MS4A15: variants seen among roughly 807,000 people sequenced by gnomAD.
MS4A15 encodes membrane-spanning 4-domains subfamily A member 15.
In MS4A15, 22 loss-of-function variants were observed where a neutral mutation model predicts 20.6. The ratio of observed to expected loss-of-function variants is 1.07; its 90% CI spans 0.76 to 1.52. MS4A15 has a LOEUF of 1.52. Among genes scored for constraint, MS4A15 ranks in the 40% most tolerant of loss-of-function variants. The pLI is 0.00. For missense variants in MS4A15, 312 were observed against 323.0 expected, an observed-to-expected ratio of 0.97 and a Z score of 0.26; for synonymous variants, 129 against 129.3, an observed-to-expected ratio of 1.00 and a Z score of 0.02.
intron 1 of MS4A15, among the ~76,000 whole-genome samples, chr11:60,762,583 G>T (rs190211379): frequency 4.3e-4 from 66 of 152,278 alleles, no homozygotes; most frequent in African/African-American, 1.5e-3. Flanking sequence ...ATACACATTT[G>T]GGTAATGGCC....
intron 2 of MS4A15, among the ~76,000 whole-genome samples, chr11:60,766,809 G>A (rs1212762650): frequency 6.6e-6 from 1 of 152,256 alleles, no homozygotes; most frequent in Non-Finnish European, 1.5e-5. Context: ...TTGGGTAGTG[G>A]TGAGTACTGG....
chr11:60,760,522 C>G (rs1000301091), intron 1 of MS4A15, among the ~76,000 whole-genome samples: 1 of 152,094 alleles, frequency 6.6e-6, no homozygotes, highest in African/African-American at 2.4e-5. Flanking sequence ...ATCCCCATGC[C>G]GGAGAAAAAA....
chr11:60,757,511 C>G (rs1325812627), intron 1 of MS4A15, among the ~76,000 whole-genome samples: 2 of 152,072 alleles, frequency 1.3e-5, no homozygotes, highest in Non-Finnish European at 2.9e-5. Context: ...GGGAGGCGGG[C>G]GGGGGGTCCT....
At chr11:60,759,228 G>A (rs940491348) in intron 1 of MS4A15, among the ~76,000 whole-genome samples, 1 of 152,246 alleles carries the variant, frequency 6.6e-6, no homozygotes. Context: ...CTGTTAACCT[G>A]TAACTTTAGC....
intron 1 of MS4A15, among the ~76,000 whole-genome samples, chr11:60,757,611 T>G (rs894149330): frequency 6.6e-6 from 1 of 152,114 alleles, no homozygotes; most frequent in East Asian, 1.9e-4. Context: ...CCTCCCCCTA[T>G]AGAAAAGCCA....
intron 2 of MS4A15, among the ~76,000 whole-genome samples, chr11:60,764,970 A>G (rs1853847181): frequency 6.6e-6 from 1 of 152,244 alleles, no homozygotes; most frequent in East Asian, 1.9e-4. Flanking sequence ...ATGTGAGCTA[A>G]GAATAATTCA....
rs752851805 is a variant in MS4A15 at position 60,763,937 on chromosome 11, A to G, written c.204A>G (p.Thr68=). Residue 68 remains threonine, a synonymous_variant, in exon 2 of 7, where the codon ACA becomes ACG. Coordinates refer to ENST00000405633, the MANE Select transcript of MS4A15 (RefSeq NM_001098835.2). The part of the protein sequence containing the change: ...PDLRPVETFL[T]GEPKVLGTVQ... ...TGCGGCCCGTGGAGACATTCCTGAC[A>G]GGAGAGCCCAAAGTTTTGGGGGTAA... 6.2e-7 allele frequency: 1 copy of G among 1,612,870 alleles called. No individual in the cohort carries two copies. Among genetic ancestry groups the G allele is most frequent in the Non-Finnish European group, 8.5e-7 (1 of 1,179,832 alleles).
In MS4A15 at chr11:60,775,722, G is replaced by A. The variant is rs372249392; in HGVS notation, c.*7G>A. 9.9e-6 allele frequency: 16 copies of A among 1,609,602 alleles called. No individual in the cohort carries two copies. The African/African-American group carries it at 1.7e-4, about 17-fold the overall frequency. ...TGCCCAAGGAGTCGTCTGAGTAGCA[G>A]ATGTGGCACCTGCGGGTGGAGTCCA... On this transcript the variant is annotated 3_prime_UTR_variant, in exon 7 of 7. Coordinates refer to ENST00000405633, the MANE Select transcript of MS4A15 (RefSeq NM_001098835.2).
At chr11:60,770,218 A>G (rs1267792695) in intron 3 of MS4A15, among the ~76,000 whole-genome samples, 1 of 152,140 alleles carries the variant, frequency 6.6e-6, no homozygotes, top group Non-Finnish European at 1.5e-5. Flanking sequence ...GAGTAGCCCC[A>G]GTGACCGCTA....
chr11:60,767,558 T>C lies in MS4A15; in HGVS notation c.251T>C (p.Ile84Thr). 6.5e-7 allele frequency: 1 copy of C among 1,550,228 alleles called. No individual in the cohort carries two copies. Among genetic ancestry groups the C allele is most frequent in the Non-Finnish European group, 8.7e-7 (1 of 1,146,348 alleles). ...ACGGTGCAGATCCTCATCGGCCTCATCCACCTAGGCTTTGGCAGCGTGCTG... is the reference window on the plus strand; with the variant it reads ...ACGGTGCAGATCCTCATCGGCCTCACCCACCTAGGCTTTGGCAGCGTGCTG... ...LGTVQILIGL[I>T]HLGFGSVLLM... The change falls in exon 3 of 7, where the codon ATC becomes ACC. Residue 84 changes from isoleucine to threonine, a missense_variant. Physicochemically the swap from Ile to Thr is moderately conservative, Grantham distance 89. Transcript: ENST00000405633.
chr11:60,767,448 G>A (rs1040634822), intron 2 of MS4A15, 85 bp from the exon 3 acceptor site: 1 of 1,392,032 alleles, frequency 7.2e-7, no homozygotes. Context: ...CGGGAGGAGG[G>A]CGGGGCCAGC....
intron 3 of MS4A15, 152 bp from the exon 4 acceptor site, chr11:60,771,139 C>G: frequency 1.3e-6 from 1 of 754,078 alleles, no homozygotes; most frequent in Non-Finnish European, 2.2e-6. Context: ...AGGGGACACC[C>G]CTGCCGAGAG....
intron 1 of MS4A15, among the ~76,000 whole-genome samples, chr11:60,758,646 T>C: frequency 6.6e-6 from 1 of 152,254 alleles, no homozygotes; most frequent in East Asian, 1.9e-4. Context: ...CAAAAAACAA[T>C]TTCATACTCT....
In MS4A15 at chr11:60,773,926, A is replaced by T. The variant is rs1368174148; in HGVS notation, c.588A>T (p.Gln196His). 3.1e-6 allele frequency: 5 copies of T among 1,613,956 alleles called. No homozygotes were observed. The Admixed American group carries it at 8.3e-5, about 27-fold the overall frequency. The change falls in exon 6 of 7, where the codon CAA (glutamine) becomes CAT (histidine). Residue 196 changes from glutamine to histidine, a missense_variant. By Grantham distance (24) the Gln-to-His change is conservative. Coordinates refer to ENST00000405633, the MANE Select transcript of MS4A15 (RefSeq NM_001098835.2). ...TCATTGCCATGCACTTCGGGTGCCA[A>T]GCCATCCATGCCCAGGCCAGTGCAG... ...TAVIAMHFGC[Q>H]AIHAQASAPV...
At chr11:60,762,958 C>G (rs1012760316) in intron 1 of MS4A15, among the ~76,000 whole-genome samples, 2 of 152,130 alleles carry the variant, frequency 1.3e-5, no homozygotes, top group Non-Finnish European at 2.9e-5. Context: ...TCATAGGTGT[C>G]TCATGACCCT....
At chr11:60,768,889 C>A (rs1168344020) in intron 3 of MS4A15, among the ~76,000 whole-genome samples, 1 of 152,154 alleles carries the variant, frequency 6.6e-6, no homozygotes, top group African/African-American at 2.4e-5. Flanking sequence ...CAGGCTGCCT[C>A]CAGCAAGAGC....
At position 60,775,657 on chromosome 11, in the gene MS4A15, C is replaced by T. The variant is rs968243649; in HGVS notation, c.665C>T (p.Pro222Leu). 5.6e-6 allele frequency: 9 copies of T among 1,613,978 alleles called. No individual in the cohort carries two copies. Among genetic ancestry groups the T allele is most frequent in the Non-Finnish European group, 7.6e-6 (9 of 1,179,906 alleles). The change falls in exon 7 of 7, where the codon CCG becomes CTG. Residue 222 changes from proline (P) to leucine (L), a missense_variant. Pro to Leu is a moderately conservative substitution (Grantham distance 98). Coordinates refer to ENST00000405633, the MANE Select transcript of MS4A15 (RefSeq NM_001098835.2). ...AFSADFNIPS[P>L]AASAPPAYDN... Reference sequence around the variant, plus strand: ...AGCGCAGACTTCAACATCCCCAGCCCGGCAGCCTCTGCGCCCCCTGCCTAT... The same window carrying T: ...AGCGCAGACTTCAACATCCCCAGCCTGGCAGCCTCTGCGCCCCCTGCCTAT...
intron 2 of MS4A15, among the ~76,000 whole-genome samples, chr11:60,764,528 T>C (rs575601024): frequency 2.0e-5 from 3 of 152,314 alleles, no homozygotes; most frequent in African/African-American, 7.2e-5. Flanking sequence ...TTGGTCTCAA[T>C]AAAATACTGA....
intron 2 of MS4A15, 130 bp from the exon 3 acceptor site, chr11:60,767,403 A>G: frequency 1.7e-6 from 2 of 1,178,522 alleles, no homozygotes; most frequent in Non-Finnish European, 2.3e-6. Flanking sequence ...CCTCTAAAGA[A>G]CAGAATCTGA....
Sources: gnomAD v4.1 joint callset for allele counts (sites outside exome capture counted in the v4.1 genomes callset) on GRCh38, gnomAD v4.1.1 for gene constraint, MANE v1.5 for transcripts, NCBI Gene and HGNC (gene_info 2026-07-23, HGNC 2026-07-21) for gene names.